ROR1: variants seen among roughly 807,000 people sequenced by gnomAD.
ROR1 encodes the protein ROR family WNT receptor 1.
Under a neutral mutation model 78.8 loss-of-function variants are expected in ROR1, and 19 were observed. The ratio of observed to expected loss-of-function variants is 0.24; its 90% CI spans 0.17 to 0.35. ROR1 has a LOEUF of 0.35. ROR1 is among the 10% of genes least tolerant of loss of function. The probability of loss-of-function intolerance (pLI) is 1.00; values close to 1 mark genes in which losing one functional copy is unlikely to be tolerated. For synonymous variants in ROR1, 386 were observed against 433.6 expected, an observed-to-expected ratio of 0.89 and a Z score of 1.36; for missense variants, 917 against 1,177.8, an observed-to-expected ratio of 0.78 and a Z score of 3.24.
At chr1:63,800,005 A>G (rs1004210818) in intron 1 of ROR1, among the ~76,000 whole-genome samples, 2 of 152,242 alleles carry the variant, frequency 1.3e-5, no homozygotes, top group African/African-American at 4.8e-5. Flanking sequence ...AATTAAAAGC[A>G]GGAGCTAACA....
At chr1:63,990,932 ACT>A (rs1340774720) in intron 1 of ROR1, among the ~76,000 whole-genome samples, 1 of 151,908 alleles carries the variant, frequency 6.6e-6, no homozygotes, top group African/African-American at 2.4e-5. Context: ...TAAATGAAAA[ACT>A]CTGTCTTTTA....
At chr1:63,990,525 C>T (rs1403816575) in intron 1 of ROR1, among the ~76,000 whole-genome samples, 1 of 152,022 alleles carries the variant, frequency 6.6e-6, no homozygotes, top group African/African-American at 2.4e-5. Flanking sequence ...ATCTAAATGT[C>T]TTTTCTTTAT....
chr1:63,970,189 T>A (rs1646108084), intron 1 of ROR1, among the ~76,000 whole-genome samples: 1 of 152,108 alleles, frequency 6.6e-6, no homozygotes. Context: ...CAAGTCTAGG[T>A]TGGACACCTC....
intron 1 of ROR1, among the ~76,000 whole-genome samples, chr1:63,820,444 T>A (rs1051305373): frequency 1.3e-5 from 2 of 152,202 alleles, no homozygotes; most frequent in Non-Finnish European, 2.9e-5. Flanking sequence ...TTGCTTTTAG[T>A]TTATGGAGGA....
intron 1 of ROR1, among the ~76,000 whole-genome samples, chr1:63,907,822 A>C (rs1322394366): frequency 6.6e-6 from 1 of 152,190 alleles, no homozygotes; most frequent in African/African-American, 2.4e-5. Context: ...GACTTATCCC[A>C]GTGCCCAGGT....
intron 4 of ROR1, among the ~76,000 whole-genome samples, chr1:64,064,748 G>A (rs568382654): frequency 5.3e-4 from 81 of 152,326 alleles, no homozygotes; most frequent in African/African-American, 1.9e-3. Context: ...TGAGGGGGCA[G>A]ACATGGTGGT....
chr1:63,946,339 C>A (rs1442878398), intron 1 of ROR1, among the ~76,000 whole-genome samples: 2 of 152,160 alleles, frequency 1.3e-5, no homozygotes, highest in Non-Finnish European at 2.9e-5. Flanking sequence ...TCTCTGAAAA[C>A]CTCCCCCAGC....
At chr1:63,986,153 C>T (rs2100514894) in intron 1 of ROR1, among the ~76,000 whole-genome samples, 1 of 152,264 alleles carries the variant, frequency 6.6e-6, no homozygotes, top group South Asian at 2.1e-4. Flanking sequence ...CTAGGTTCTG[C>T]ATAGCACAGA....
intron 4 of ROR1, among the ~76,000 whole-genome samples, chr1:64,126,444 G>C (rs1648717263): frequency 6.6e-6 from 1 of 152,152 alleles, no homozygotes; most frequent in Non-Finnish European, 1.5e-5. Flanking sequence ...TCAATTTACA[G>C]GCCAAGAATG....
chr1:64,132,270 T>C (rs1396132106), intron 4 of ROR1, among the ~76,000 whole-genome samples: 3 of 152,228 alleles, frequency 2.0e-5, no homozygotes, highest in African/African-American at 7.2e-5. Context: ...GTCTATTGTA[T>C]GTATCTACCA....
chr1:63,796,652 G>A (rs1427632162), intron 1 of ROR1, among the ~76,000 whole-genome samples: 9 of 152,096 alleles, frequency 5.9e-5, no homozygotes, highest in Middle Eastern at 3.2e-3. Flanking sequence ...AGGTTTAAAG[G>A]CAGAAACAGG....
intron 1 of ROR1, among the ~76,000 whole-genome samples, chr1:63,780,326 T>C (rs756274410): frequency 6.6e-6 from 1 of 152,130 alleles, no homozygotes; most frequent in Non-Finnish European, 1.5e-5. Context: ...TTGAGCCTGA[T>C]AGGGAATGGG....
chr1:64,062,785 A>C (rs1646927394), intron 4 of ROR1, among the ~76,000 whole-genome samples: 1 of 152,232 alleles, frequency 6.6e-6, no homozygotes, highest in Non-Finnish European at 1.5e-5. Context: ...TGAACCTCAC[A>C]ACAAACATAG....
intron 1 of ROR1, among the ~76,000 whole-genome samples, chr1:63,798,230 G>A (rs954244668): frequency 3.3e-5 from 5 of 152,184 alleles, no homozygotes; most frequent in African/African-American, 4.8e-5. Context: ...GTGCAACTGC[G>A]CAGACCATCC....
At chr1:64,011,246 C>A (rs917323359) in intron 2 of ROR1, among the ~76,000 whole-genome samples, 6 of 152,174 alleles carry the variant, frequency 3.9e-5, no homozygotes, top group Non-Finnish European at 8.8e-5. Flanking sequence ...TCCTCTCCAC[C>A]TCCAGCATCA....
intron 4 of ROR1, among the ~76,000 whole-genome samples, chr1:64,108,595 T>C (rs780500767): frequency 5.0e-4 from 76 of 152,132 alleles, no homozygotes; most frequent in Middle Eastern, 3.4e-3. Flanking sequence ...GGAATCACTA[T>C]GGGGCTCCCA....
intron 2 of ROR1, among the ~76,000 whole-genome samples, chr1:64,043,722 T>C (rs1484631778): frequency 1.3e-5 from 2 of 152,278 alleles, no homozygotes; most frequent in East Asian, 1.9e-4. Flanking sequence ...CAGAACATAA[T>C]ATGGTCTCTG....
At chr1:63,991,931 A>T (rs1037339006) in intron 1 of ROR1, among the ~76,000 whole-genome samples, 1 of 152,194 alleles carries the variant, frequency 6.6e-6, no homozygotes, top group Non-Finnish European at 1.5e-5. Flanking sequence ...TTCATGATTC[A>T]GTGTGGAGAA....
At chr1:64,058,791 C>A (rs1032705734) in intron 4 of ROR1, among the ~76,000 whole-genome samples, 1 of 151,960 alleles carries the variant, frequency 6.6e-6, no homozygotes, top group Non-Finnish European at 1.5e-5. Flanking sequence ...TTGGTCTGTG[C>A]TTTGCATTTC....
Sources: gnomAD v4.1 joint callset for allele counts (sites outside exome capture counted in the v4.1 genomes callset) on GRCh38, gnomAD v4.1.1 for gene constraint, MANE v1.5 for transcripts, NCBI Gene and HGNC (gene_info 2026-07-23, HGNC 2026-07-21) for gene names.